The following ARL15 variants were observed in gnomAD, a reference collection of about 807,000 sequenced individuals.
ARL15 encodes ADP-ribosylation factor-like protein 15.
ARL15 carries 19 observed loss-of-function variants against 25.2 expected under a neutral mutation model. The ratio of observed to expected loss-of-function variants is 0.75; its 90% CI spans 0.53 to 1.10. The LOEUF is 1.10. Among genes scored for constraint, ARL15 ranks in the 50% least tolerant of loss-of-function variants. ARL15 has a pLI of 0.00. For missense variants in ARL15, 220 were observed against 246.0 expected (o/e 0.89, Z 0.71); for synonymous variants, 94 against 86.8 (o/e 1.08, Z -0.46).
intron 1 of ARL15, among the ~76,000 whole-genome samples, chr5:54,256,029 C>A (rs1256854234): frequency 3.3e-5 from 5 of 151,154 alleles, no homozygotes; most frequent in African/African-American, 1.2e-4. Flanking sequence ...AAAGAAAACA[C>A]CAAACCCAAA....
chr5:53,961,457 T>C (rs558495942), intron 4 of ARL15, among the ~76,000 whole-genome samples: 1 of 127,918 alleles, frequency 7.8e-6, no homozygotes, highest in Admixed American at 9.5e-5. Flanking sequence ...AAGGTAGTAC[T>C]ATCGCACTCC....
chr5:54,282,185 T>TGG (rs1758076543), intron 1 of ARL15: 1 of 909,918 alleles, frequency 1.1e-6, no homozygotes, highest in Non-Finnish European at 1.3e-6. Context: ...TAGAGGATAA[T>TGG]TGCCATCACT....
intron 4 of ARL15, among the ~76,000 whole-genome samples, chr5:54,051,481 G>A (rs1750700137): frequency 6.6e-6 from 1 of 152,122 alleles, no homozygotes; most frequent in South Asian, 2.1e-4. Context: ...AAATTGCAGA[G>A]CCTAAAAATA....
At chr5:53,910,623 T>TTA (rs1554025646) in intron 4 of ARL15, among the ~76,000 whole-genome samples, 5 of 61,990 alleles carry the variant, frequency 8.1e-5, no homozygotes, top group Non-Finnish European at 1.5e-4. Context: ...TAAAGTATAA[T>TTA]AAAAAAAAAT....
chr5:54,035,440 C>G (rs1750138351), intron 4 of ARL15, among the ~76,000 whole-genome samples: 1 of 152,076 alleles, frequency 6.6e-6, no homozygotes, highest in Non-Finnish European at 1.5e-5. Flanking sequence ...TATAGGTTTC[C>G]TTAGGCAGTG....
chr5:54,026,864 T>C (rs373284), intron 4 of ARL15, among the ~76,000 whole-genome samples: 108,101 of 151,974 alleles, frequency 0.71, 38,849 homozygotes, highest in East Asian at 0.85. Context: ...ACATGTAAAC[T>C]GAGTTGCCAG....
intron 4 of ARL15, among the ~76,000 whole-genome samples, chr5:53,923,151 T>C (rs892774273): frequency 3.3e-5 from 5 of 152,214 alleles, no homozygotes; most frequent in Admixed American, 2.6e-4. Flanking sequence ...GACTGCCTCT[T>C]CACGATTCGG....
chr5:54,061,358 C>T (rs56149618), intron 4 of ARL15, among the ~76,000 whole-genome samples: 25,396 of 152,086 alleles, frequency 0.17, 2,609 homozygotes, highest in African/African-American at 0.29. Context: ...ACCTGTAATC[C>T]CAGCACTTTG....
At chr5:53,992,923 G>A (rs1233252202) in intron 4 of ARL15, among the ~76,000 whole-genome samples, 3 of 152,172 alleles carry the variant, frequency 2.0e-5, no homozygotes, top group African/African-American at 4.8e-5. Flanking sequence ...GCGCATGCCT[G>A]TAATCCCAGC....
intron 1 of ARL15, among the ~76,000 whole-genome samples, chr5:54,300,885 G>C (rs1289897863): frequency 6.6e-6 from 1 of 152,164 alleles, no homozygotes; most frequent in Non-Finnish European, 1.5e-5. Context: ...CATGACCCTA[G>C]CTGGGCTCTG....
intron 3 of ARL15, among the ~76,000 whole-genome samples, chr5:54,144,753 T>C (rs1753860023): frequency 6.6e-6 from 1 of 152,202 alleles, no homozygotes; most frequent in Non-Finnish European, 1.5e-5. Flanking sequence ...GTGGGTGGGC[T>C]TTCTAACCCA....
intron 4 of ARL15, among the ~76,000 whole-genome samples, chr5:53,947,290 G>C (rs1746782022): frequency 6.7e-6 from 1 of 148,172 alleles, no homozygotes; most frequent in Non-Finnish European, 1.5e-5. Context: ...CCTGTCTGTG[G>C]ATTAATAATG....
Position 54,140,417 on chromosome 5 carries a change from CAGATAGATAGATAGAT to C in ARL15, c.253+14147_253+14162del, listed in dbSNP as rs57386310. On this transcript the variant is annotated intron_variant, in intron 3 of 4. Transcript: ENST00000504924. ...ATATATATATGCGTGTGTGGATAGA[CAGATAGATAGATAGAT>C]AGATAGATAGATAGATAGATAGATA... Among the ~76,000 whole-genome samples, 150 of 145,368 alleles carry C rather than the reference CAGATAGATAGATAGAT, an allele frequency of 1.0e-3. 1 individual carries two copies. Among genetic ancestry groups the C allele is most frequent in the African/African-American group, 2.9e-3 (114 of 39,302 alleles).
intron 3 of ARL15, among the ~76,000 whole-genome samples, chr5:54,126,454 C>G (rs1261918612): frequency 6.6e-6 from 1 of 152,164 alleles, no homozygotes; most frequent in Admixed American, 6.5e-5. Flanking sequence ...ATTCCTAATT[C>G]TCAATCAACT....
chr5:54,055,152 T>C (rs1402441898), intron 4 of ARL15, among the ~76,000 whole-genome samples: 2 of 152,092 alleles, frequency 1.3e-5, no homozygotes, highest in African/African-American at 4.8e-5. Flanking sequence ...ATCCCATTTC[T>C]TGCCAATCCC....
chr5:54,171,096 T>A (rs917436337), intron 2 of ARL15, among the ~76,000 whole-genome samples: 3 of 152,182 alleles, frequency 2.0e-5, no homozygotes, highest in African/African-American at 7.2e-5. Context: ...GATTTCTCAC[T>A]AATAACTTGA....
At chr5:54,210,888 T>A (rs1006060256) in intron 1 of ARL15, among the ~76,000 whole-genome samples, 1 of 152,226 alleles carries the variant, frequency 6.6e-6, no homozygotes, top group Non-Finnish European at 1.5e-5. Context: ...TTCAGTCTCA[T>A]AGAACCCAAT....
intron 1 of ARL15, among the ~76,000 whole-genome samples, chr5:54,279,200 A>G (rs187836279): frequency 4.4e-5 from 6 of 135,642 alleles, no homozygotes; most frequent in African/African-American, 1.8e-4. Context: ...AGGAGCTAAT[A>G]AGAGTTTGTT....
intron 3 of ARL15, among the ~76,000 whole-genome samples, chr5:54,126,769 C>T (rs1753265734): frequency 6.6e-6 from 1 of 152,190 alleles, no homozygotes; most frequent in African/African-American, 2.4e-5. Flanking sequence ...AATGCCATGC[C>T]TTCGAACTTC....
Sources: gnomAD v4.1 joint callset for allele counts (sites outside exome capture counted in the v4.1 genomes callset) on GRCh38, gnomAD v4.1.1 for gene constraint, MANE v1.5 for transcripts, NCBI Gene and HGNC (gene_info 2026-07-23, HGNC 2026-07-21) for gene names.